Variants in SNTB1 observed in about 807,000 individuals in gnomAD.
The protein encoded by SNTB1 is syntrophin beta 1.
Under a neutral mutation model 48.9 loss-of-function variants are expected in SNTB1, and 36 were observed. That is an observed-to-expected ratio of 0.74 (90% CI 0.56 to 0.97). SNTB1 has a LOEUF of 0.97. Ranked by LOEUF, SNTB1 falls within the 50% of genes least tolerant of loss-of-function variation. The pLI is 0.00. For missense variants in SNTB1, 786 were observed against 703.4 expected, an observed-to-expected ratio of 1.12 and a Z score of -1.33; for synonymous variants, 299 against 294.6, an observed-to-expected ratio of 1.01 and a Z score of -0.15.
At chr8:120,562,788 T>C (rs1026948818) in intron 4 of SNTB1, among the ~76,000 whole-genome samples, 1 of 152,140 alleles carries the variant, frequency 6.6e-6, no homozygotes, top group Non-Finnish European at 1.5e-5. Context: ...GGGTTAATTG[T>C]GGGCAACCTG....
rs1450593775 is a variant in SNTB1 at position 120,691,674 on chromosome 8, CT to C, written c.788+2017del. Among the ~76,000 whole-genome samples, 8 of 152,108 alleles carry C rather than the reference CT, an allele frequency of 5.3e-5. No homozygotes were observed. The East Asian group carries it at 7.7e-4, about 15-fold the overall frequency. On this transcript the variant is annotated intron_variant, in intron 2 of 6. Coordinates refer to ENST00000517992, the MANE Select transcript of SNTB1 (RefSeq NM_021021.4). ...ACTTTTCTAGAAAAGCAGAAACTGG[CT>C]TTTTAAATGTGAAGTTTTTCAGTTA...
chr8:120,582,152 G>A (rs1040396494), intron 3 of SNTB1, among the ~76,000 whole-genome samples: 14 of 152,168 alleles, frequency 9.2e-5, no homozygotes, highest in African/African-American at 3.1e-4. Context: ...ATCTAGTTTC[G>A]ATAAGTTTAA....
intron 2 of SNTB1, among the ~76,000 whole-genome samples, chr8:120,674,056 G>A (rs377593782): frequency 2.0e-5 from 3 of 152,144 alleles, no homozygotes; most frequent in East Asian, 1.9e-4. Context: ...TATACTGACC[G>A]AGGCAATCAT....
intron 1 of SNTB1, among the ~76,000 whole-genome samples, chr8:120,711,783 T>G (rs569089623): frequency 6.6e-6 from 1 of 152,322 alleles, no homozygotes; most frequent in Non-Finnish European, 1.5e-5. Flanking sequence ...TCTAACATGC[T>G]ATCAATTATA....
rs1175287504 is a variant in SNTB1, at chr8:120,571,478, GGTTTT to G, written c.1136+3603_1136+3607del. On this transcript the variant is annotated intron_variant, in intron 4 of 6. Transcript: ENST00000517992. ...GGATGTTTACATTCTGACTATTGAGGGTTTTTTTTTTTTTTTTTTTTTTTTTTTTT... is the reference window on the plus strand; with the variant it reads ...GGATGTTTACATTCTGACTATTGAGGTTTTTTTTTTTTTTTTTTTTTTTTT... 5.8e-4 allele frequency: 141 copies of G among 243,942 alleles called. 7 individuals carry two copies. Among genetic ancestry groups the G allele is most frequent in the African/African-American group, 2.3e-3 (72 of 31,714 alleles). The allele number at this position is 243,942 out of a possible 1,614,324, so 15.1% of individuals were successfully genotyped here. A position where few individuals can be genotyped will look rare whatever the true frequency, so the allele number is the denominator to read the frequency against.
intron 1 of SNTB1, among the ~76,000 whole-genome samples, chr8:120,787,511 T>C (rs886108953): frequency 1.3e-5 from 2 of 152,038 alleles, no homozygotes; most frequent in Admixed American, 1.3e-4. Context: ...ATGAAAAATT[T>C]TCTAAAGAGG....
intron 2 of SNTB1, among the ~76,000 whole-genome samples, chr8:120,635,090 C>A (rs973235991): frequency 6.6e-6 from 1 of 152,062 alleles, no homozygotes; most frequent in Non-Finnish European, 1.5e-5. Context: ...AAGGAATTTG[C>A]AAAGCCAGTC....
chr8:120,783,982 AGTTTT>A (rs772026575), intron 1 of SNTB1, among the ~76,000 whole-genome samples: 3 of 151,912 alleles, frequency 2.0e-5, no homozygotes, highest in Non-Finnish European at 4.4e-5. Flanking sequence ...CAAATACTCC[AGTTTT>A]GTTTTGTTTT....
At chr8:120,666,536 G>T (rs778665915) in intron 2 of SNTB1, among the ~76,000 whole-genome samples, 4 of 151,828 alleles carry the variant, frequency 2.6e-5, no homozygotes, top group African/African-American at 9.7e-5. Context: ...TTTAATACTG[G>T]TGTTGAGCTT....
At chr8:120,611,608 G>A (rs7824154) in intron 3 of SNTB1, among the ~76,000 whole-genome samples, 36,489 of 151,564 alleles carry the variant, frequency 0.24, 4,535 homozygotes, top group Middle Eastern at 0.31. Context: ...AGATCACAAG[G>A]TCAGGAGATC....
At position 120,582,812 on chromosome 8, in the gene SNTB1, G is replaced by T. The variant is rs530118084; in HGVS notation, c.997-7587C>A. ...ATTAGGACAAATACCTAATGCATGC[G>T]GGGCTTAAAACCTAGATAATGGGTT... is the stretch of plus-strand genomic sequence containing the variant. On this transcript the variant is annotated intron_variant, in intron 3 of 6. Transcript: ENST00000517992. Among the ~76,000 whole-genome samples the T allele has an allele frequency of 1.1e-4, 16 of 152,244 alleles. No individual in the cohort carries two copies. The South Asian group carries it at 3.3e-3, about 32-fold the overall frequency.
At chr8:120,617,955 T>C (rs139986651) in intron 3 of SNTB1, among the ~76,000 whole-genome samples, 12 of 152,298 alleles carry the variant, frequency 7.9e-5, no homozygotes, top group African/African-American at 2.6e-4. Context: ...AGGGTGTTGC[T>C]AAGAAAGGCA....
At chr8:120,560,551 G>C (rs1356488740) in intron 4 of SNTB1, among the ~76,000 whole-genome samples, 1 of 152,110 alleles carries the variant, frequency 6.6e-6, no homozygotes, top group East Asian at 1.9e-4. Context: ...TGAAAGGCAA[G>C]ATCCCATGTC....
intron 3 of SNTB1, among the ~76,000 whole-genome samples, chr8:120,619,372 G>A (rs763747406): frequency 1.2e-4 from 18 of 151,920 alleles, no homozygotes; most frequent in Non-Finnish European, 2.2e-4. Flanking sequence ...TCATTTTCAG[G>A]GAACTTGGAA....
chr8:120,755,189 CGA>C (rs976487997), intron 1 of SNTB1, among the ~76,000 whole-genome samples: 101 of 141,712 alleles, frequency 7.1e-4, no homozygotes, highest in African/African-American at 2.1e-3. Context: ...AGAGAGAGAG[CGA>C]GAGAGAGAGA....
At chr8:120,539,713 T>C (rs1331895944) in intron 6 of SNTB1, among the ~76,000 whole-genome samples, 2 of 152,234 alleles carry the variant, frequency 1.3e-5, no homozygotes, top group Non-Finnish European at 2.9e-5. Flanking sequence ...TCTCTTCTGC[T>C]GTCCCCAGTT....
rs79758323 is a variant in SNTB1, at chr8:120,537,607, T to C, written c.*1270A>G. The C allele has an allele frequency of 4.1e-3, 630 of 152,234 alleles. 5 individuals are homozygous for C. The highest frequency in any genetic ancestry group is 0.014 in the African/African-American group (589 of 41,538). 9.4% of individuals were successfully genotyped at this position (152,234 alleles called of 1,614,324 possible). Reference sequence around the variant, plus strand: ...CTGTCTATGTAAACTACAGGAAAAGTGTTAGAAATGTTTATAGAGATCCTA... The same window carrying C: ...CTGTCTATGTAAACTACAGGAAAAGCGTTAGAAATGTTTATAGAGATCCTA... On this transcript the variant is annotated 3_prime_UTR_variant, in exon 7 of 7. Transcript: ENST00000517992.
At position 120,716,867 on chromosome 8, in the gene SNTB1, C is replaced by T. The variant is rs180791120; in HGVS notation, c.572-22959G>A. ...AAAATAATTCACATGAGGGCAAAGGCTAAGACTAGAATCTTGGTCTCTCTG... is the reference window on the plus strand; with the variant it reads ...AAAATAATTCACATGAGGGCAAAGGTTAAGACTAGAATCTTGGTCTCTCTG... On this transcript the variant is annotated intron_variant, in intron 1 of 6. Coordinates refer to ENST00000517992, the MANE Select transcript of SNTB1 (RefSeq NM_021021.4). Among the ~76,000 whole-genome samples the T allele has an allele frequency of 5.2e-3, 791 of 152,266 alleles. 3 individuals are homozygous for T. The highest frequency in any genetic ancestry group is 9.5e-3 in the Non-Finnish European group (644 of 68,018).
At chr8:120,679,857 A>ATT (rs1312491966) in intron 2 of SNTB1, among the ~76,000 whole-genome samples, 1 of 95,466 alleles carries the variant, frequency 1.0e-5, no homozygotes, top group African/African-American at 1.1e-4. Flanking sequence ...ATCTCTTGAG[A>ATT]TATTTTTTTT....
Sources: gnomAD v4.1 joint callset for allele counts (sites outside exome capture counted in the v4.1 genomes callset) on GRCh38, gnomAD v4.1.1 for gene constraint, MANE v1.5 for transcripts, NCBI Gene and HGNC (gene_info 2026-07-23, HGNC 2026-07-21) for gene names.